The following COL25A1 variants were observed in gnomAD, a reference collection of about 807,000 sequenced individuals.
COL25A1 encodes collagen type XXV alpha 1 chain.
COL25A1 carries 103 observed loss-of-function variants against 128.4 expected under a neutral mutation model. That is an observed-to-expected ratio of 0.80 (90% CI 0.68 to 0.94). The LOEUF is 0.94. Among genes scored for constraint, COL25A1 ranks in the 40% least tolerant of loss-of-function variants. The probability of loss-of-function intolerance (pLI) is 0.00; values close to 1 mark genes in which losing one functional copy is unlikely to be tolerated. For synonymous variants in COL25A1, 279 were observed against 277.2 expected, an observed-to-expected ratio of 1.01 and a Z score of -0.06; for missense variants, 745 against 840.0, an observed-to-expected ratio of 0.89 and a Z score of 1.40.
intron 3 of COL25A1, among the ~76,000 whole-genome samples, chr4:109,069,377 GATTT>G (rs1483012427): frequency 6.6e-6 from 1 of 151,928 alleles, no homozygotes; most frequent in African/African-American, 2.4e-5. Flanking sequence ...ACAGCCAGCT[GATTT>G]ATTTTTATTT....
At chr4:108,889,596 C>T (rs1741247946) in intron 17 of COL25A1, 105 bp downstream of exon 17, 1 of 952,098 alleles carries the variant, frequency 1.1e-6, no homozygotes, top group African/African-American at 1.6e-5. Context: ...AGAATAAGAA[C>T]AGAGTTATAA....
At chr4:109,064,409 C>T (rs903228726) in intron 3 of COL25A1, among the ~76,000 whole-genome samples, 2 of 152,152 alleles carry the variant, frequency 1.3e-5, no homozygotes, top group Admixed American at 1.3e-4. Flanking sequence ...CAAAGTTCTA[C>T]AAGTAAATGG....
At chr4:108,933,329 T>G (rs1234320059) in intron 11 of COL25A1, among the ~76,000 whole-genome samples, 1 of 152,116 alleles carries the variant, frequency 6.6e-6, no homozygotes, top group East Asian at 1.9e-4. Context: ...ACAAATGTAG[T>G]GGGGTTTACA....
intron 5 of COL25A1, among the ~76,000 whole-genome samples, chr4:109,023,162 T>A (rs1213107197): frequency 6.6e-6 from 1 of 152,222 alleles, no homozygotes; most frequent in Non-Finnish European, 1.5e-5. Flanking sequence ...ATCAGTGACA[T>A]GCATCTTGAT....
chr4:109,155,824 A>G (rs897580285), intron 3 of COL25A1, among the ~76,000 whole-genome samples: 1 of 152,354 alleles, frequency 6.6e-6, no homozygotes, highest in East Asian at 1.9e-4. Flanking sequence ...TATGATTCAT[A>G]AACAAGAAAA....
chr4:108,853,045 G>C (rs1483602985), intron 24 of COL25A1, 120 bp from the exon 25 acceptor site: 3 of 764,508 alleles, frequency 3.9e-6, no homozygotes, highest in Non-Finnish European at 6.6e-6. Flanking sequence ...ATCTTAAAAG[G>C]ATTTGACAAG....
At chr4:109,156,628 A>G (rs1772062780) in intron 3 of COL25A1, among the ~76,000 whole-genome samples, 1 of 152,112 alleles carries the variant, frequency 6.6e-6, no homozygotes, top group Non-Finnish European at 1.5e-5. Context: ...TATAAAAACT[A>G]AGGCCTGTTT....
intron 11 of COL25A1, among the ~76,000 whole-genome samples, chr4:108,924,713 T>C (rs1745851648): frequency 1.3e-5 from 2 of 152,198 alleles, no homozygotes; most frequent in South Asian, 4.1e-4. Flanking sequence ...CTTCCCCTAA[T>C]GGGTTCATAC....
At chr4:109,115,389 G>C (rs948587734) in intron 3 of COL25A1, among the ~76,000 whole-genome samples, 4 of 152,076 alleles carry the variant, frequency 2.6e-5, no homozygotes, top group African/African-American at 9.7e-5. Context: ...GGTGGGAGCA[G>C]GTAAAGAGTC....
chr4:109,206,305 G>A (rs1354821719), intron 3 of COL25A1, among the ~76,000 whole-genome samples: 2 of 152,090 alleles, frequency 1.3e-5, no homozygotes, highest in African/African-American at 4.8e-5. Context: ...GTGGCTCTCA[G>A]GTTTCCCCAG....
intron 3 of COL25A1, among the ~76,000 whole-genome samples, chr4:109,116,992 A>G (rs1767634775): frequency 1.3e-5 from 2 of 151,992 alleles, no homozygotes; most frequent in Non-Finnish European, 2.9e-5. Context: ...AAAGGAAAAT[A>G]AAACAGAATA....
intron 26 of COL25A1, 131 bp from the exon 27 acceptor site, chr4:108,848,934 C>A: frequency 1.5e-6 from 1 of 679,432 alleles, no homozygotes; most frequent in South Asian, 1.8e-5. Context: ...CGAGAATATT[C>A]TATTATAGCA....
At chr4:109,113,013 G>GA (rs1435055894) in intron 3 of COL25A1, among the ~76,000 whole-genome samples, 1 of 152,130 alleles carries the variant, frequency 6.6e-6, no homozygotes, top group Non-Finnish European at 1.5e-5. Flanking sequence ...CCAAAGAACT[G>GA]AATCAGCAGC....
At chr4:109,152,360 C>T (rs1771586656) in intron 3 of COL25A1, among the ~76,000 whole-genome samples, 1 of 152,078 alleles carries the variant, frequency 6.6e-6, no homozygotes, top group Non-Finnish European at 1.5e-5. Context: ...GCTGCCTAAG[C>T]AAAATTCGGA....
At position 108,835,322 on chromosome 4, in the gene COL25A1, G is replaced by A. The variant is rs1445007415; in HGVS notation, c.1657-2889C>T. On this transcript the variant is annotated intron_variant, in intron 31 of 37. Coordinates refer to ENST00000399132, the MANE Select transcript of COL25A1 (RefSeq NM_198721.4). ...TTAAAAATATTGGTTAGACCAAGGA[G>A]TATTTAAGAAAGAAAATGCACTGGC... 2.6e-5 allele frequency among the ~76,000 whole-genome samples: 4 copies of A among 152,194 alleles called. No individual in the cohort carries two copies. The South Asian group carries it at 6.2e-4, about 24-fold the overall frequency.
chr4:109,128,457 G>A (rs558109279), intron 3 of COL25A1, among the ~76,000 whole-genome samples: 27 of 152,160 alleles, frequency 1.8e-4, no homozygotes, highest in African/African-American at 2.6e-4. Flanking sequence ...TCCCTGCTTC[G>A]AGCTCTTCCT....
intron 3 of COL25A1, among the ~76,000 whole-genome samples, chr4:109,113,317 CA>C (rs1560714322): frequency 1.3e-5 from 2 of 152,046 alleles, no homozygotes; most frequent in Non-Finnish European, 2.9e-5. Flanking sequence ...GGACATTGTG[CA>C]GAGCTGCAAT....
intron 19 of COL25A1, among the ~76,000 whole-genome samples, chr4:108,873,553 T>C (rs1294706253): frequency 8.7e-6 from 1 of 114,552 alleles, no homozygotes; most frequent in African/African-American, 2.9e-5. Flanking sequence ...GTAGTAGTAG[T>C]AGTAGTAGCA....
intron 11 of COL25A1, among the ~76,000 whole-genome samples, chr4:108,924,873 C>T (rs1745871726): frequency 6.6e-6 from 1 of 152,188 alleles, no homozygotes; most frequent in South Asian, 2.1e-4. Flanking sequence ...AATCCCCGGT[C>T]CTCTCCTGCA....
Sources: allele counts gnomAD v4.1 joint callset (sites outside exome capture counted in the v4.1 genomes callset), GRCh38; gene constraint gnomAD v4.1.1; transcripts MANE v1.5; gene names NCBI Gene and HGNC (gene_info 2026-07-23, HGNC 2026-07-21).